The following TLX1 variants were observed in gnomAD, a reference collection of about 807,000 sequenced individuals.
TLX1 encodes the protein T cell leukemia homeobox 1.
TLX1 carries 6 observed loss-of-function variants against 26.5 expected under a neutral mutation model. The ratio of observed to expected loss-of-function variants is 0.23; its 90% CI spans 0.12 to 0.45. The LOEUF is 0.45. Among genes scored for constraint, TLX1 ranks in the 20% least tolerant of loss-of-function variants. The pLI is 0.99. For synonymous variants in TLX1, 217 were observed against 219.7 expected (o/e 0.99, Z 0.11); for missense variants, 418 against 482.6 (o/e 0.87, Z 1.25).
At position 101,131,438 on chromosome 10, in the gene TLX1, G is replaced by T; in HGVS notation, c.-104G>T. 1.1e-6 allele frequency: 1 copy of T among 931,014 alleles called. No homozygotes were observed. 57.7% of individuals were successfully genotyped at this position (931,014 alleles called of 1,614,324 possible). ...CTGCGCACTTCGCTTCCAAGTCTCC[G>T]CGCAGCCAGGAGCCGCTGTTGCCTC... On this transcript the variant is annotated 5_prime_UTR_variant, in exon 1 of 3. Coordinates refer to ENST00000370196, the MANE Select transcript of TLX1 (RefSeq NM_005521.4).
At chr10:101,134,065 G>A (rs2742023) in intron 1 of TLX1, 110 bp from the exon 2 acceptor site, 2 of 1,020,270 alleles carry the variant, frequency 2.0e-6, no homozygotes, top group Non-Finnish European at 1.4e-6. Flanking sequence ...TCGCTGACTC[G>A]CGGGGTGTTG....
At position 101,136,672 on chromosome 10, in the gene TLX1, C is replaced by T. The variant is rs1339738499; in HGVS notation, c.771-19C>T. The T allele has an allele frequency of 1.9e-6, 3 of 1,612,550 alleles. No homozygotes were observed. Among genetic ancestry groups the T allele is most frequent in the Non-Finnish European group, 2.5e-6 (3 of 1,179,896 alleles). On this transcript the variant is annotated intron_variant, in intron 2 of 2. Coordinates refer to ENST00000370196, the MANE Select transcript of TLX1 (RefSeq NM_005521.4). ...CTGGGTCGGTGCTCCTGGCAGGTAA[C>T]GGCTTGTTCCCGGTGCAGACGGCAG...
chr10:101,133,410 G>T (rs908934881), intron 1 of TLX1, among the ~76,000 whole-genome samples: 4 of 152,204 alleles, frequency 2.6e-5, no homozygotes, highest in Admixed American at 2.6e-4. Context: ...CTCCCTAGAG[G>T]GGTCCCAGTG....
In TLX1 at chr10:101,131,998, G is replaced by T; in HGVS notation, c.457G>T (p.Gly153Cys). ...GGCCCACCCCCAGCCCCTGGCCACCGGCTTGCCCACCGTGCCCTCTGTGCC... is the reference window on the plus strand; with the variant it reads ...GGCCCACCCCCAGCCCCTGGCCACCTGCTTGCCCACCGTGCCCTCTGTGCC... The part of the protein sequence containing the change: ...AVAHPQPLAT[G>C]LPTVPSVPAM... Residue 153 changes from glycine (G) to cysteine (C), a missense_variant, in exon 1 of 3, where the codon GGC becomes TGC. Physicochemically the swap from Gly to Cys is radical, Grantham distance 159 (BLOSUM62 -3). Around this residue, in one of 3 missense-constraint regions of TLX1, gnomAD observed 322 missense variants for 344.6 expected, o/e 0.93. Coordinates refer to ENST00000370196, the MANE Select transcript of TLX1 (RefSeq NM_005521.4). 1 of 1,524,068 alleles carries T rather than the reference G, an allele frequency of 6.6e-7. No individual in the cohort carries two copies. The highest frequency in any genetic ancestry group is 8.7e-7 in the Non-Finnish European group (1 of 1,144,484). The allele number at this position is 1,524,068 out of a possible 1,614,324, so 94.4% of individuals were successfully genotyped here.
At position 101,132,303 on chromosome 10, in the gene TLX1, ACCCCTC is replaced by A; in HGVS notation, c.568+195_568+200del. 6.6e-6 allele frequency among the ~76,000 whole-genome samples: 1 copy of A among 151,608 alleles called. No homozygotes were observed. Among genetic ancestry groups the A allele is most frequent in the Non-Finnish European group, 1.5e-5 (1 of 67,912 alleles). Reference sequence around the variant, plus strand: ...TGCTTGAAGAGTTCTCTCAGCCTGGACCCCTCTCTGTCTCCCGAAGGACCCCTGCTC... The same window carrying A: ...TGCTTGAAGAGTTCTCTCAGCCTGGATCTGTCTCCCGAAGGACCCCTGCTC... On this transcript the variant is annotated intron_variant, in intron 1 of 2. Transcript: ENST00000370196. The surrounding 1 kb of genome is among the most constrained non-coding windows in gnomAD (Gnocchi z 4.1).
chr10:101,136,867 C>T lies in TLX1; in HGVS notation c.947C>T (p.Ser316Leu), dbSNP rs1266374569. The T allele has an allele frequency of 1.9e-6, 3 of 1,613,632 alleles. No homozygotes were observed. Among genetic ancestry groups the T allele is most frequent in the East Asian group, 2.2e-5 (1 of 44,876 alleles). Residue 316 changes from serine (S) to leucine (L), a missense_variant, in exon 3 of 3, where the codon TCG becomes TTG. Ser to Leu is a moderately radical substitution (Grantham distance 145, BLOSUM62 -2). Around this residue, in one of 3 missense-constraint regions of TLX1, gnomAD observed 78 missense variants for 92.2 expected, o/e 0.85. Transcript: ENST00000370196. ...AATCTGCAGCCGTGGTCTGACGACTCGACCAAAATCACTAGCGTCACGTCG... is the reference window on the plus strand; with the variant it reads ...AATCTGCAGCCGTGGTCTGACGACTTGACCAAAATCACTAGCGTCACGTCG... ...LQNLQPWSDD[S>L]TKITSVTSVA... is the part of the protein sequence containing the mutation.
In TLX1 at chr10:101,137,030, C is replaced by T; in HGVS notation, c.*117C>T. 1 of 1,321,464 alleles carries T rather than the reference C, an allele frequency of 7.6e-7. No homozygotes were observed. Among genetic ancestry groups the T allele is most frequent in the South Asian group, 1.4e-5 (1 of 69,672 alleles). The allele number at this position is 1,321,464 out of a possible 1,614,324, so 81.9% of individuals were successfully genotyped here. On this transcript the variant is annotated 3_prime_UTR_variant, in exon 3 of 3. Coordinates refer to ENST00000370196, the MANE Select transcript of TLX1 (RefSeq NM_005521.4). Reference sequence around the variant, plus strand: ...ACTGCACCCAGGAGGGGAACACTGCCCTCGCACGGCCCCGAAGGGCCCCCA... The same window carrying T: ...ACTGCACCCAGGAGGGGAACACTGCTCTCGCACGGCCCCGAAGGGCCCCCA...
In TLX1 at chr10:101,131,583, A is replaced by G. The variant is rs751280290; in HGVS notation, c.42A>G (p.Ala14=). The change falls in exon 1 of 3, where the codon GCA becomes GCG. Residue 14 remains alanine (A), a synonymous_variant. Coordinates refer to ENST00000370196, the MANE Select transcript of TLX1 (RefSeq NM_005521.4). ...CGCACCACCTCCACCCGGGTCACGC[A>G]GAGCCCATTAGCTTCGGCATCGACC... is the stretch of plus-strand genomic sequence containing the variant. The part of the protein sequence containing the change: ...LGPHHLHPGH[A]EPISFGIDQI... The G allele has an allele frequency of 6.4e-7, 1 of 1,557,026 alleles. No individual in the cohort carries two copies. Among genetic ancestry groups the G allele is most frequent in the South Asian group, 1.2e-5 (1 of 84,724 alleles).
At position 101,137,295 on chromosome 10, in the gene TLX1, A is replaced by C; in HGVS notation, c.*382A>C. 3.1e-6 allele frequency: 1 copy of C among 327,708 alleles called. No individual in the cohort carries two copies. The highest frequency in any genetic ancestry group is 5.7e-6 in the Non-Finnish European group (1 of 176,262). 20.3% of individuals were successfully genotyped at this position (327,708 alleles called of 1,614,324 possible). ...TGCCCTGGGAAACCCCTTCTCTGTG[A>C]CCCACTTCTCATCACACACATGGAA... On this transcript the variant is annotated 3_prime_UTR_variant, in exon 3 of 3. Coordinates refer to ENST00000370196, the MANE Select transcript of TLX1 (RefSeq NM_005521.4).
Position 101,137,116 on chromosome 10 carries a change from C to T in TLX1, c.*203C>T, listed in dbSNP as rs1006970245. The T allele has an allele frequency of 1.0e-4, 65 of 648,186 alleles. No homozygotes were observed. In the African/African-American group the frequency reaches 1.1e-3, roughly 11 times the overall value. 40.2% of individuals were successfully genotyped at this position (648,186 alleles called of 1,614,324 possible). Reference sequence around the variant, plus strand: ...AGCTCAAGGGACAAGGACACGCGCCCCCCTCCCAGAGGCGTCCCGCACCTG... The same window carrying T: ...AGCTCAAGGGACAAGGACACGCGCCTCCCTCCCAGAGGCGTCCCGCACCTG... On this transcript the variant is annotated 3_prime_UTR_variant, in exon 3 of 3. Transcript: ENST00000370196.
chr10:101,136,833 G>A lies in TLX1; in HGVS notation c.913G>A (p.Ala305Thr). The A allele has an allele frequency of 6.2e-7, 1 of 1,613,646 alleles. No homozygotes were observed. The highest frequency in any genetic ancestry group is 1.1e-5 in the South Asian group (1 of 91,078). The change falls in exon 3 of 3, where the codon GCC becomes ACC. Residue 305 changes from alanine to threonine, a missense_variant. Physicochemically the swap from Ala to Thr is moderately conservative, Grantham distance 58 (BLOSUM62 0). Transcript: ENST00000370196. ...GTGCGTGCACAACTCGTCGCTCTTCGCCCTGCAGAATCTGCAGCCGTGGTC... is the reference window on the plus strand; with the variant it reads ...GTGCGTGCACAACTCGTCGCTCTTCACCCTGCAGAATCTGCAGCCGTGGTC... Reference protein sequence around the residue: ...PLCVHNSSLFALQNLQPWSDD... With the variant: ...PLCVHNSSLFTLQNLQPWSDD...
In TLX1 at chr10:101,131,823, G is replaced by T; in HGVS notation, c.282G>T (p.Met94Ile). ...GPAGGGGACSMGPLTGSYNVN... is the reference protein window; with the variant it reads ...GPAGGGGACSIGPLTGSYNVN... ...CAGGCGGCGGCGGCGCCTGCAGCAT[G>T]GGTCCTCTGACCGGCTCCTACAACG... Residue 94 changes from methionine to isoleucine, a missense_variant, in exon 1 of 3, where the codon ATG (methionine) becomes ATT (isoleucine). Met to Ile is a conservative substitution (Grantham distance 10). This residue lies in a region of TLX1 where 322 missense variants were observed against 344.6 expected (regional missense o/e 0.93). Transcript: ENST00000370196. The T allele has an allele frequency of 7.1e-7, 1 of 1,402,182 alleles. No homozygotes were observed. 86.9% of individuals were successfully genotyped at this position (1,402,182 alleles called of 1,614,324 possible).
At position 101,131,564 on chromosome 10, in the gene TLX1, A is replaced by G; in HGVS notation, c.23A>G (p.His8Arg). 1 of 1,527,366 alleles carries G rather than the reference A, an allele frequency of 6.5e-7. No homozygotes were observed. Among genetic ancestry groups the G allele is most frequent in the Non-Finnish European group, 8.7e-7 (1 of 1,143,550 alleles). The allele number at this position is 1,527,366 out of a possible 1,614,324, so 94.6% of individuals were successfully genotyped here. A position where few individuals can be genotyped will look rare whatever the true frequency, so the allele number is the denominator to read the frequency against. The change falls in exon 1 of 3, where the codon CAC becomes CGC. Residue 8 changes from histidine to arginine, a missense_variant. By Grantham distance (29) the His-to-Arg change is conservative (BLOSUM62 0). Transcript: ENST00000370196. ...AGCATGGAGCACCTGGGTCCGCACCACCTCCACCCGGGTCACGCAGAGCCC... is the reference window on the plus strand; with the variant it reads ...AGCATGGAGCACCTGGGTCCGCACCGCCTCCACCCGGGTCACGCAGAGCCC... The part of the protein sequence containing the change: MEHLGPH[H>R]LHPGHAEPIS...
In TLX1 at chr10:101,136,989, ACCCTCCT is replaced by A; in HGVS notation, c.*77_*83del. ...GGCCTGAGACCCAGGACTCCTCCCC[ACCCTCCT>A]GGCCTCAGACTGCACCCAGGAGGGG... On this transcript the variant is annotated 3_prime_UTR_variant, in exon 3 of 3. Coordinates refer to ENST00000370196, the MANE Select transcript of TLX1 (RefSeq NM_005521.4). The A allele has an allele frequency of 6.4e-7, 1 of 1,552,452 alleles. No individual in the cohort carries two copies. Among genetic ancestry groups the A allele is most frequent in the Non-Finnish European group, 8.7e-7 (1 of 1,144,490 alleles).
At position 101,131,325 on chromosome 10, in the gene TLX1, A is replaced by G. The variant is rs1940163920; in HGVS notation, c.-217A>G. On this transcript the variant is annotated 5_prime_UTR_variant, in exon 1 of 3. Transcript: ENST00000370196. Reference sequence around the variant, plus strand: ...GATGTCCCAGAGTCAACAGCGAGCGAGCAGCCGGAGCGGGGAAGCAGAAGC... The same window carrying G: ...GATGTCCCAGAGTCAACAGCGAGCGGGCAGCCGGAGCGGGGAAGCAGAAGC... The G allele has an allele frequency of 2.4e-6, 1 of 420,564 alleles. No individual in the cohort carries two copies. The highest frequency in any genetic ancestry group is 4.1e-6 in the Non-Finnish European group (1 of 241,946). 26.1% of individuals were successfully genotyped at this position (420,564 alleles called of 1,614,324 possible). A position where few individuals can be genotyped will look rare whatever the true frequency, so the allele number is the denominator to read the frequency against.
chr10:101,131,762 A>G lies in TLX1; in HGVS notation c.221A>G (p.Tyr74Cys). 2.8e-6 allele frequency: 4 copies of G among 1,411,748 alleles called. No individual in the cohort carries two copies. Among genetic ancestry groups the G allele is most frequent in the Non-Finnish European group, 3.7e-6 (4 of 1,089,528 alleles). 87.5% of individuals were successfully genotyped at this position (1,411,748 alleles called of 1,614,324 possible). Residue 74 changes from tyrosine to cysteine, a missense_variant, in exon 1 of 3, where the codon TAT becomes TGT. Around this residue, in one of 3 missense-constraint regions of TLX1, gnomAD observed 322 missense variants for 344.6 expected, o/e 0.93. Coordinates refer to ENST00000370196, the MANE Select transcript of TLX1 (RefSeq NM_005521.4). The stretch of plus-strand genomic sequence containing the variant: ...ACGGGGGCTGGAGGAGCGGGGGCCT[A>G]TGGTACTGGAGGTCCCGGCGGCCCC... ...AATGAGGAGA[Y>C]GTGGPGGPGG...
rs761097676 is a variant in TLX1 at position 101,134,271 on chromosome 10, G to T, written c.665G>T (p.Arg222Leu). The T allele has an allele frequency of 5.6e-6, 9 of 1,612,010 alleles. No individual in the cohort carries two copies. The East Asian group carries it at 1.1e-4, about 20-fold the overall frequency. Residue 222 changes from arginine (R) to leucine (L), a missense_variant, in exon 2 of 3, where the codon CGC becomes CTC. Around this residue, in one of 3 missense-constraint regions of TLX1, gnomAD observed 322 missense variants for 344.6 expected, o/e 0.93. Transcript: ENST00000370196. ...QICELEKRFH[R>L]QKYLASAERA... ...TGCGAGCTGGAGAAGCGCTTCCACC[G>T]CCAGAAGTACCTGGCCTCGGCCGAG...
Position 101,132,154 on chromosome 10 carries a change from C to T in TLX1, c.568+45C>T, listed in dbSNP as rs762187067. 4 of 1,309,638 alleles carry T rather than the reference C, an allele frequency of 3.1e-6. No individual in the cohort carries two copies. Among genetic ancestry groups the T allele is most frequent in the South Asian group, 2.6e-5 (1 of 39,182 alleles). The allele number at this position is 1,309,638 out of a possible 1,614,324, so 81.1% of individuals were successfully genotyped here. A position where few individuals can be genotyped will look rare whatever the true frequency, so the allele number is the denominator to read the frequency against. On this transcript the variant is annotated intron_variant, in intron 1 of 2. Coordinates refer to ENST00000370196, the MANE Select transcript of TLX1 (RefSeq NM_005521.4). The surrounding 1 kb of genome is among the most constrained non-coding windows in gnomAD (Gnocchi z 4.1). ...TCCCCGCCTGGCCGCGGCCCGGGCT[C>T]CGTGCTACCCCTGCCCCGCCGGGTG...
chr10:101,131,985 GC>G lies in TLX1; in HGVS notation c.448del (p.Leu150TrpfsTer91). On this transcript the variant is annotated frameshift_variant, in exon 1 of 3. Coordinates refer to ENST00000370196, the MANE Select transcript of TLX1 (RefSeq NM_005521.4). LOFTEE classifies it high-confidence loss of function. ...PLAGAVAHPQ[P>X]LATGLPTVPS... ...TCGCCGGAGCCGTGGCCCACCCCCA[GC>G]CCCTGGCCACCGGCTTGCCCACCGT... 2 of 1,523,692 alleles carry G rather than the reference GC, an allele frequency of 1.3e-6. No individual in the cohort carries two copies. Among genetic ancestry groups the G allele is most frequent in the Non-Finnish European group, 8.7e-7 (1 of 1,143,524 alleles). The allele number at this position is 1,523,692 out of a possible 1,614,324, so 94.4% of individuals were successfully genotyped here. A position where few individuals can be genotyped will look rare whatever the true frequency, so the allele number is the denominator to read the frequency against.
Sources: gnomAD v4.1 joint callset for allele counts (sites outside exome capture counted in the v4.1 genomes callset) on GRCh38, gnomAD v4.1.1 for gene constraint, gnomAD v4.1.1 regional missense constraint, Gnocchi (gnomAD v3.1) non-coding constraint, MANE v1.5 for transcripts, NCBI Gene and HGNC (gene_info 2026-07-23, HGNC 2026-07-21) for gene names.